The following ERC1 variants were observed in gnomAD, a reference collection of about 807,000 sequenced individuals.
ERC1 encodes the protein ELKS/RAB6-interacting/CAST family member 1, also known as RAB6 interacting protein 2.
In ERC1, 56 loss-of-function variants were observed where a neutral mutation model predicts 132.0. The observed-to-expected ratio is 0.42, with a 90% CI of 0.34 to 0.53. The LOEUF is 0.53. ERC1 is among the 20% of genes least tolerant of loss of function. The probability of loss-of-function intolerance (pLI) is 0.03; values close to 1 mark genes in which losing one functional copy is unlikely to be tolerated. For missense variants in ERC1, 1,202 were observed against 1,349.9 expected (o/e 0.89, Z 1.72); for synonymous variants, 478 against 476.1 (o/e 1.00, Z -0.05).
chr12:1,044,427 T>C (rs1970762749), intron 2 of ERC1, among the ~76,000 whole-genome samples: 1 of 152,136 alleles, frequency 6.6e-6, no homozygotes, highest in African/African-American at 2.4e-5. Context: ...CTTTTCAAGG[T>C]AGATGGGAGA....
intron 1 of ERC1, among the ~76,000 whole-genome samples, chr12:1,011,641 A>G (rs775653528): frequency 2.6e-5 from 4 of 152,186 alleles, no homozygotes; most frequent in Non-Finnish European, 5.9e-5. Flanking sequence ...AGATTAAAAT[A>G]TATTCTTGAA....
intron 18 of ERC1, among the ~76,000 whole-genome samples, chr12:1,466,187 G>T (rs1365628997): frequency 6.6e-6 from 1 of 152,160 alleles, no homozygotes; most frequent in East Asian, 1.9e-4. Flanking sequence ...AGATCAAGGG[G>T]TCGGCAGGGT....
chr12:1,374,978 C>A (rs73040896), intron 16 of ERC1, among the ~76,000 whole-genome samples: 9,107 of 152,082 alleles, frequency 0.06, 313 homozygotes, highest in South Asian at 0.12. Flanking sequence ...ATTGTCACAC[C>A]ATATATTCTT....
chr12:1,406,042 A>G lies in ERC1; in HGVS notation c.2926-2107A>G, dbSNP rs552344650. Among the ~76,000 whole-genome samples the G allele has an allele frequency of 3.3e-4, 50 of 152,276 alleles. 1 individual carries two copies. Among genetic ancestry groups the G allele is most frequent in the Middle Eastern group, 3.4e-3 (1 of 294 alleles). On this transcript the variant is annotated intron_variant, in intron 16 of 18. Coordinates refer to ENST00000360905, the MANE Select transcript of ERC1 (RefSeq NM_178040.4). ...AATGACATGAAAAAATGGTCATGAT[A>G]ATGATGATAGCTAAAATGTATTGGG...
Position 1,492,030 on chromosome 12 carries a change from C to T in ERC1, c.*1800C>T, listed in dbSNP as rs2094322811. The T allele has an allele frequency of 4.3e-6, 1 of 233,060 alleles. No individual in the cohort carries two copies. The highest frequency in any genetic ancestry group is 8.5e-6 in the Non-Finnish European group (1 of 117,956). The allele number at this position is 233,060 out of a possible 1,614,324, so 14.4% of individuals were successfully genotyped here. A position where few individuals can be genotyped will look rare whatever the true frequency, so the allele number is the denominator to read the frequency against. ...CAGCACAGCCCCATCAGTCCAGGAA[C>T]TTCCCACCACCAGCCCTTGACTGTC... On this transcript the variant is annotated 3_prime_UTR_variant, in exon 19 of 19. Coordinates refer to ENST00000360905, the MANE Select transcript of ERC1 (RefSeq NM_178040.4).
At chr12:1,475,902 G>A (rs2093960801) in intron 18 of ERC1, among the ~76,000 whole-genome samples, 1 of 151,860 alleles carries the variant, frequency 6.6e-6, no homozygotes, top group African/African-American at 2.4e-5. Flanking sequence ...AGGCTGAAGT[G>A]GGAGGATTGC....
At chr12:1,467,677 A>G (rs958059741) in intron 18 of ERC1, among the ~76,000 whole-genome samples, 5 of 152,164 alleles carry the variant, frequency 3.3e-5, no homozygotes, top group Non-Finnish European at 5.9e-5. Context: ...TATTTCTGTT[A>G]TTATTCCATT....
At chr12:1,273,877 C>G (rs184941908) in intron 14 of ERC1, among the ~76,000 whole-genome samples, 103 of 152,270 alleles carry the variant, frequency 6.8e-4, no homozygotes, top group Non-Finnish European at 1.2e-3. Flanking sequence ...CTAGGATATT[C>G]AAATACAAGC....
chr12:1,299,955 A>G (rs1043534594), intron 15 of ERC1, among the ~76,000 whole-genome samples: 4 of 152,182 alleles, frequency 2.6e-5, no homozygotes, highest in African/African-American at 7.2e-5. Context: ...GCCTTTATCT[A>G]TTAAAGAAAT....
intron 17 of ERC1, among the ~76,000 whole-genome samples, chr12:1,412,548 T>C (rs73026490): frequency 0.062 from 9,473 of 152,216 alleles, 468 homozygotes; most frequent in African/African-American, 0.12. Context: ...GGTACGTCAT[T>C]GCGCTGTACT....
At chr12:1,083,619 A>G in intron 3 of ERC1, 39 bp downstream of exon 3, 2 of 1,492,884 alleles carry the variant, frequency 1.3e-6, no homozygotes, top group Non-Finnish European at 1.8e-6. Flanking sequence ...TTTGTTGGTT[A>G]TCTTTTTTTT....
At chr12:1,370,458 A>G (rs113706459) in intron 15 of ERC1, among the ~76,000 whole-genome samples, 25 of 152,368 alleles carry the variant, frequency 1.6e-4, no homozygotes, top group African/African-American at 5.5e-4. Context: ...CTGTGTTTCT[A>G]TATCCACGTT....
rs35902573 is a variant in ERC1 at position 1,341,069 on chromosome 12, C to CTTTTTTT, written c.2781-30728_2781-30722dup. On this transcript the variant is annotated intron_variant, in intron 15 of 18. Transcript: ENST00000360905. ...AATGTCCACTTATTCTTTTCTTTTT[C>CTTTTTTT]TTTTTTTTTTTTTTTTTTTTTTTTT... Among the ~76,000 whole-genome samples the CTTTTTTT allele has an allele frequency of 2.7e-3, 168 of 63,090 alleles. 27 individuals carry two copies. The highest frequency in any genetic ancestry group is 7.3e-3 in the East Asian group (10 of 1,370). The allele number at this position is 63,090 out of a possible 152,430, so 41.4% of individuals were successfully genotyped here.
intron 16 of ERC1, among the ~76,000 whole-genome samples, chr12:1,393,607 CGTGTGTGTGTGTGTGTGTGTGTGTGT>C (rs34533745): frequency 7.1e-6 from 1 of 140,158 alleles, no homozygotes; most frequent in Non-Finnish European, 1.5e-5. Context: ...AGAGAACACA[CGTGTGTGTGTGTGTGTGTGTGTGTGT>C]GTGTGTGTGT....
intron 12 of ERC1, among the ~76,000 whole-genome samples, chr12:1,190,387 CA>C (rs1955596528): frequency 1.3e-5 from 2 of 152,124 alleles, no homozygotes; most frequent in Non-Finnish European, 2.9e-5. Flanking sequence ...ATATAATGAT[CA>C]AATGATCCTC....
At chr12:1,286,123 G>A (rs774833493) in intron 14 of ERC1, among the ~76,000 whole-genome samples, 24 of 151,722 alleles carry the variant, frequency 1.6e-4, no homozygotes, top group Non-Finnish European at 2.9e-4. Flanking sequence ...GCAAAACCCC[G>A]TCTCTACTAA....
At chr12:1,438,077 GTGGTAACTGAATTATA>G (rs1165141253) in intron 17 of ERC1, among the ~76,000 whole-genome samples, 4 of 152,132 alleles carry the variant, frequency 2.6e-5, no homozygotes, top group African/African-American at 9.7e-5. Context: ...TGAACTCCTA[GTGGTAACTGAATTATA>G]TGATTTTGTG....
chr12:1,110,076 A>C (rs1945686834), intron 4 of ERC1, 116 bp from the exon 5 acceptor site: 3 of 884,218 alleles, frequency 3.4e-6, no homozygotes, highest in Non-Finnish European at 4.9e-6. Flanking sequence ...GCCAGACAGC[A>C]TTTTTTCTGT....
In ERC1 at chr12:1,399,287, A is replaced by G. The variant is rs549026366; in HGVS notation, c.2926-8862A>G. Among the ~76,000 whole-genome samples, 120 of 152,112 alleles carry G rather than the reference A, an allele frequency of 7.9e-4. 1 individual carries two copies. The highest frequency in any genetic ancestry group is 2.8e-3 in the African/African-American group (115 of 41,522). On this transcript the variant is annotated intron_variant, in intron 16 of 18. Transcript: ENST00000360905. ...TTTTTTAAGAGCAAAAGCATTATTT[A>G]CTTACATGGCTGCACATTGGCTTAT...
Sources: gnomAD v4.1 joint callset for allele counts (sites outside exome capture counted in the v4.1 genomes callset) on GRCh38, gnomAD v4.1.1 for gene constraint, MANE v1.5 for transcripts, NCBI Gene and HGNC (gene_info 2026-07-23, HGNC 2026-07-21) for gene names.